ZNF148: variants seen among roughly 807,000 people sequenced by gnomAD.
The protein encoded by ZNF148 is zinc finger protein 148, also known as Beta-Enolase Repressor Factor-1.
Under a neutral mutation model 67.7 loss-of-function variants are expected in ZNF148, and 7 were observed. That is an observed-to-expected ratio of 0.10 (90% CI 0.06 to 0.19). The LOEUF (loss-of-function observed/expected upper bound fraction) is 0.19, where lower values mean the gene tolerates loss of function less well. ZNF148 is among the 10% of genes least tolerant of loss of function. The pLI, the probability that ZNF148 is intolerant of heterozygous loss-of-function variation, is 1.00. For synonymous variants in ZNF148, 333 were observed against 330.7 expected, an observed-to-expected ratio of 1.01 and a Z score of -0.08; for missense variants, 583 against 947.1, an observed-to-expected ratio of 0.62 and a Z score of 5.05.
In ZNF148 at chr3:125,255,523, A is replaced by G. The variant is rs1215737808; in HGVS notation, c.668-21194T>C. 2.0e-5 allele frequency among the ~76,000 whole-genome samples: 3 copies of G among 152,106 alleles called. No homozygotes were observed. The East Asian group carries it at 5.8e-4, about 29-fold the overall frequency. On this transcript the variant is annotated intron_variant, in intron 7 of 8. Transcript: ENST00000360647. ...CCACCTCACAAAGTGCTGGGATTAC[A>G]GGCATAAGCCACCATGCCTGGCCCA...
intron 4 of ZNF148, among the ~76,000 whole-genome samples, chr3:125,295,726 C>T (rs916344765): frequency 6.6e-6 from 1 of 151,930 alleles, no homozygotes; most frequent in Admixed American, 6.6e-5. Flanking sequence ...AGGATTTTTA[C>T]AGAGTTAAAT....
At chr3:125,362,990 A>G (rs1161068732) in intron 1 of ZNF148, among the ~76,000 whole-genome samples, 2 of 152,062 alleles carry the variant, frequency 1.3e-5, no homozygotes, top group East Asian at 1.9e-4. Flanking sequence ...CAAATTGTGG[A>G]TATTTTCCCA....
At chr3:125,320,191 G>A (rs1178621962) in intron 3 of ZNF148, among the ~76,000 whole-genome samples, 1 of 152,094 alleles carries the variant, frequency 6.6e-6, no homozygotes, top group Non-Finnish European at 1.5e-5. Context: ...TTTTCTCAAA[G>A]CCTTACCAGG....
intron 1 of ZNF148, among the ~76,000 whole-genome samples, chr3:125,338,472 T>A (rs1941583932): frequency 6.6e-6 from 1 of 151,846 alleles, no homozygotes; most frequent in African/African-American, 2.4e-5. Flanking sequence ...GTGTCAATTC[T>A]TTGTCATCAA....
chr3:125,278,078 A>C (rs151089726), intron 6 of ZNF148, among the ~76,000 whole-genome samples: 2 of 152,308 alleles, frequency 1.3e-5, no homozygotes, highest in East Asian at 3.9e-4. Context: ...AACAATTTAA[A>C]ATTGAATTTT....
chr3:125,305,948 A>C (rs2107658700), intron 4 of ZNF148, among the ~76,000 whole-genome samples: 1 of 152,300 alleles, frequency 6.6e-6, no homozygotes, highest in South Asian at 2.1e-4. Context: ...CAAGCACTGA[A>C]ACAAGTCTCA....
intron 5 of ZNF148, among the ~76,000 whole-genome samples, chr3:125,280,609 A>C (rs1233006368): frequency 5.9e-5 from 9 of 151,330 alleles, no homozygotes; most frequent in Non-Finnish European, 1.2e-4. Flanking sequence ...TTGGGCCAGG[A>C]GGTCAAGGCT....
chr3:125,299,864 G>A (rs1161606570), intron 4 of ZNF148, among the ~76,000 whole-genome samples: 1 of 152,200 alleles, frequency 6.6e-6, no homozygotes, highest in Admixed American at 6.5e-5. Context: ...GAAAAAACTA[G>A]AGTTGAAGTT....
Position 125,233,570 on chromosome 3 carries a change from G to A in ZNF148, c.1156C>T (p.His386Tyr). The change falls in exon 9 of 9, where the codon CAC becomes TAC. Residue 386 changes from histidine (H) to tyrosine (Y), a missense_variant. By Grantham distance (83) the His-to-Tyr change is moderately conservative. This residue lies in a region of ZNF148 where 172 missense variants were observed against 307.7 expected (regional missense o/e 0.56). Transcript: ENST00000360647. This position sits in a 1 kb window ranked among gnomAD's most constrained non-coding sequence, Gnocchi z 5.1. Reference protein sequence around the residue: ...SHLEDASGEIHPPKLVLKKIN... With the variant: ...SHLEDASGEIYPPKLVLKKIN... Reference sequence around the variant, plus strand: ...TTTTTGAGAACTAACTTAGGTGGGTGTATTTCTCCTGACGCATCTTCTAAA... The same window carrying A: ...TTTTTGAGAACTAACTTAGGTGGGTATATTTCTCCTGACGCATCTTCTAAA... 6.2e-7 allele frequency: 1 copy of A among 1,613,944 alleles called. No homozygotes were observed. Among genetic ancestry groups the A allele is most frequent in the Non-Finnish European group, 8.5e-7 (1 of 1,179,942 alleles).
chr3:125,343,437 G>C (rs1367324146), intron 1 of ZNF148, among the ~76,000 whole-genome samples: 1 of 149,710 alleles, frequency 6.7e-6, no homozygotes, highest in Admixed American at 6.7e-5. Context: ...TCTGTAGCTA[G>C]CAAGGGGATT....
intron 4 of ZNF148, among the ~76,000 whole-genome samples, chr3:125,289,336 C>T (rs958936521): frequency 2.6e-5 from 4 of 152,106 alleles, no homozygotes; most frequent in Non-Finnish European, 5.9e-5. Flanking sequence ...TTCATACTGA[C>T]AAAATAAAAA....
chr3:125,325,778 A>T (rs990113159), intron 2 of ZNF148, among the ~76,000 whole-genome samples: 1 of 152,138 alleles, frequency 6.6e-6, no homozygotes, highest in Admixed American at 6.6e-5. Flanking sequence ...CTGGCCCCAA[A>T]TTTAATTTTT....
intron 7 of ZNF148, among the ~76,000 whole-genome samples, chr3:125,260,112 G>A (rs929759140): frequency 3.3e-5 from 5 of 152,068 alleles, no homozygotes; most frequent in Non-Finnish European, 5.9e-5. Flanking sequence ...GCAGTTTGTG[G>A]TGCCCCAAAA....
intron 7 of ZNF148, among the ~76,000 whole-genome samples, chr3:125,257,525 A>T (rs1228659250): frequency 6.9e-6 from 1 of 145,834 alleles, no homozygotes; most frequent in Non-Finnish European, 1.5e-5. Context: ...ACTGCACTCC[A>T]GCCTGGGCGA....
At chr3:125,265,931 T>A (rs976832134) in intron 7 of ZNF148, among the ~76,000 whole-genome samples, 16 of 152,100 alleles carry the variant, frequency 1.1e-4, no homozygotes, top group Non-Finnish European at 1.6e-4. Context: ...TATTCTTGTA[T>A]CAGATAAAAC....
At chr3:125,339,949 T>C in intron 1 of ZNF148, among the ~76,000 whole-genome samples, 1 of 152,200 alleles carries the variant, frequency 6.6e-6, no homozygotes, top group Non-Finnish European at 1.5e-5. Flanking sequence ...ATTGAGATGA[T>C]GCAGGGACTT....
intron 2 of ZNF148, among the ~76,000 whole-genome samples, chr3:125,329,644 G>A (rs1481503484): frequency 1.3e-5 from 2 of 151,338 alleles, no homozygotes; most frequent in Non-Finnish European, 2.9e-5. Context: ...AGGCATGAGC[G>A]ATCGCGCCTA....
At chr3:125,260,909 G>A (rs1189537518) in intron 7 of ZNF148, among the ~76,000 whole-genome samples, 3 of 152,148 alleles carry the variant, frequency 2.0e-5, no homozygotes, top group Non-Finnish European at 2.9e-5. Flanking sequence ...ATTTGCCCAT[G>A]TTTCTCCAAA....
intron 1 of ZNF148, among the ~76,000 whole-genome samples, chr3:125,335,918 T>C (rs905587641): frequency 6.6e-6 from 1 of 152,154 alleles, no homozygotes; most frequent in Non-Finnish European, 1.5e-5. Flanking sequence ...TTTTATGAAT[T>C]AACGTAGCAA....
Sources: allele counts gnomAD v4.1 joint callset (sites outside exome capture counted in the v4.1 genomes callset), GRCh38; gene constraint gnomAD v4.1.1; regional missense constraint gnomAD v4.1.1; non-coding constraint Gnocchi (gnomAD v3.1); transcripts MANE v1.5; gene names NCBI Gene and HGNC (gene_info 2026-07-23, HGNC 2026-07-21).